The following STK32B variants were observed in gnomAD, a reference collection of about 807,000 sequenced individuals.
STK32B encodes serine/threonine-protein kinase 32B.
A neutral mutation model predicts 52.6 loss-of-function variants in STK32B; 43 were observed. That is an observed-to-expected ratio of 0.82 (90% confidence interval 0.64 to 1.05). STK32B has a LOEUF of 1.05. Among genes scored for constraint, STK32B ranks in the 50% least tolerant of loss-of-function variants. The probability of loss-of-function intolerance (pLI) is 0.00; values close to 1 mark genes in which losing one functional copy is unlikely to be tolerated. For missense variants in STK32B, 621 were observed against 534.6 expected, an observed-to-expected ratio of 1.16 and a Z score of -1.59; for synonymous variants, 238 against 204.3, an observed-to-expected ratio of 1.17 and a Z score of -1.41.
At chr4:5,283,417 A>G (rs1025003941) in intron 3 of STK32B, among the ~76,000 whole-genome samples, 1 of 152,212 alleles carries the variant, frequency 6.6e-6, no homozygotes, top group Non-Finnish European at 1.5e-5. Flanking sequence ...CCAAGAAAAC[A>G]TATTTAAGGA....
intron 6 of STK32B, chr4:5,437,968 T>C: frequency 1.0e-6 from 1 of 985,532 alleles, no homozygotes; most frequent in Non-Finnish European, 1.2e-6. Context: ...TCACCTTCTC[T>C]AGGACTGCAG....
chr4:5,038,164 A>G, the STK32B span, among the ~76,000 whole-genome samples: 1 of 152,176 alleles, frequency 6.6e-6, no homozygotes, highest in Non-Finnish European at 1.5e-5. Flanking sequence ...TCCCCATAAA[A>G]TTCCTGGCAT....
intron 1 of STK32B, among the ~76,000 whole-genome samples, chr4:5,068,363 A>T (rs1711549205): frequency 6.6e-6 from 1 of 152,166 alleles, no homozygotes; most frequent in Admixed American, 6.5e-5. Flanking sequence ...TATAAGTGAG[A>T]ACATACAACA....
At chr4:5,322,607 G>A (rs1157142191) in intron 3 of STK32B, among the ~76,000 whole-genome samples, 1 of 152,202 alleles carries the variant, frequency 6.6e-6, no homozygotes, top group Non-Finnish European at 1.5e-5. Context: ...GAGAAAGGTG[G>A]CTGTTTCAAA....
At chr4:5,236,952 C>G (rs150741027) in intron 3 of STK32B, among the ~76,000 whole-genome samples, 3 of 152,262 alleles carry the variant, frequency 2.0e-5, no homozygotes, top group Admixed American at 1.3e-4. Flanking sequence ...TACATGCTGT[C>G]AAACATTTTG....
chr4:5,257,993 G>T (rs1291609757), intron 3 of STK32B, among the ~76,000 whole-genome samples: 1 of 152,076 alleles, frequency 6.6e-6, no homozygotes, highest in Non-Finnish European at 1.5e-5. Flanking sequence ...GGGAAATGTG[G>T]GCTGTGGTCA....
chr4:5,479,522 G>A (rs112541568), intron 11 of STK32B, among the ~76,000 whole-genome samples: 4 of 152,196 alleles, frequency 2.6e-5, no homozygotes, highest in Admixed American at 6.5e-5. Flanking sequence ...GGCCAGTGGA[G>A]GTGGAGTGGA....
chr4:5,129,344 T>C (rs573608453), intron 1 of STK32B, among the ~76,000 whole-genome samples: 1 of 152,366 alleles, frequency 6.6e-6, no homozygotes, highest in South Asian at 2.1e-4. Context: ...AAAGCTGTTT[T>C]CTTCCCTCCA....
chr4:5,230,936 T>C (rs1158725299), intron 3 of STK32B, among the ~76,000 whole-genome samples: 2 of 152,144 alleles, frequency 1.3e-5, no homozygotes, highest in African/African-American at 4.8e-5. Context: ...GGTGTGAAAT[T>C]GCCAACAGAC....
intron 3 of STK32B, among the ~76,000 whole-genome samples, chr4:5,242,126 G>C (rs1725076442): frequency 6.6e-6 from 1 of 151,978 alleles, no homozygotes; most frequent in South Asian, 2.1e-4. Flanking sequence ...GGTATTTGTA[G>C]TTCTAGATCC....
chr4:5,342,270 A>G (rs1317983391), intron 4 of STK32B, among the ~76,000 whole-genome samples: 1 of 152,188 alleles, frequency 6.6e-6, no homozygotes, highest in African/African-American at 2.4e-5. Context: ...TTGTGTCACT[A>G]TTCACAACAG....
intron 3 of STK32B, among the ~76,000 whole-genome samples, chr4:5,176,340 TG>T (rs1332752290): frequency 6.6e-6 from 1 of 152,054 alleles, no homozygotes; most frequent in African/African-American, 2.4e-5. Flanking sequence ...CCCAGTGAGA[TG>T]AACCCGGTAC....
At chr4:5,492,596 GA>G (rs1719833873) in intron 11 of STK32B, among the ~76,000 whole-genome samples, 2 of 149,982 alleles carry the variant, frequency 1.3e-5, no homozygotes, top group Admixed American at 1.3e-4. Context: ...GCCCTGGCCA[GA>G]ACTTCCAACA....
At chr4:5,038,048 G>A in the STK32B span, among the ~76,000 whole-genome samples, 2 of 152,146 alleles carry the variant, frequency 1.3e-5, no homozygotes, top group Non-Finnish European at 2.9e-5. Flanking sequence ...AGCCAACACT[G>A]TGTTCTCAAG....
intron 3 of STK32B, among the ~76,000 whole-genome samples, chr4:5,298,085 C>T (rs1729320375): frequency 6.6e-6 from 1 of 152,174 alleles, no homozygotes; most frequent in Non-Finnish European, 1.5e-5. Flanking sequence ...CCACTCCAGA[C>T]CCCATTTGCC....
intron 3 of STK32B, among the ~76,000 whole-genome samples, chr4:5,251,966 T>C (rs1287743136): frequency 6.6e-6 from 1 of 152,136 alleles, no homozygotes; most frequent in African/African-American, 2.4e-5. Context: ...TGAAAGCAAC[T>C]TGAGAAGGTA....
chr4:5,456,887 C>T lies in STK32B; in HGVS notation c.747C>T (p.Ser249=), dbSNP rs1195816332. Residue 249 remains serine (S), a synonymous_variant, in exon 8 of 12, where the codon TCC becomes TCT. Transcript: ENST00000282908. ...AGGTGGAGCGTGTCCACTACTCCTCCACGTGGTGCAAGGGGATGGTGGCCC... is the reference window on the plus strand; with the variant it reads ...AGGTGGAGCGTGTCCACTACTCCTCTACGTGGTGCAAGGGGATGGTGGCCC... The part of the protein sequence containing the change: ...MFKVERVHYS[S]TWCKGMVALL... 2 of 1,591,168 alleles carry T rather than the reference C, an allele frequency of 1.3e-6. No individual in the cohort carries two copies. Among genetic ancestry groups the T allele is most frequent in the African/African-American group, 1.3e-5 (1 of 74,662 alleles).
rs909829474 is a variant in STK32B, at chr4:5,058,457, G to T, written c.52+6542G>T. Among the ~76,000 whole-genome samples the T allele has an allele frequency of 1.3e-5, 2 of 152,196 alleles. No individual in the cohort carries two copies. Among genetic ancestry groups the T allele is most frequent in the Non-Finnish European group, 2.9e-5 (2 of 68,024 alleles). ...TACATGGTGGAACTTATTTCAGTCTGGTTCCCAGAGTGAGAACAACATGGA... is the reference window on the plus strand; with the variant it reads ...TACATGGTGGAACTTATTTCAGTCTTGTTCCCAGAGTGAGAACAACATGGA... On this transcript the variant is annotated intron_variant, in intron 1 of 11. Transcript: ENST00000282908. The surrounding 1 kb of genome is among the most constrained non-coding windows in gnomAD (Gnocchi z 4.8).
chr4:5,257,079 G>T (rs1387598559), intron 3 of STK32B, among the ~76,000 whole-genome samples: 2 of 145,222 alleles, frequency 1.4e-5, no homozygotes, highest in African/African-American at 2.9e-5. Context: ...GAATGAATAA[G>T]TGAGTGAATG....
Sources: gnomAD v4.1 joint callset for allele counts (sites outside exome capture counted in the v4.1 genomes callset) on GRCh38, gnomAD v4.1.1 for gene constraint, Gnocchi (gnomAD v3.1) non-coding constraint, MANE v1.5 for transcripts, NCBI Gene and HGNC (gene_info 2026-07-23, HGNC 2026-07-21) for gene names.